The following KDM2B variants were observed in gnomAD, a reference collection of about 807,000 sequenced individuals.
KDM2B encodes the protein lysine demethylase 2B, also known as lysine-specific demethylase 2B.
Under a neutral mutation model 150.0 loss-of-function variants are expected in KDM2B, and 26 were observed. The ratio of observed to expected loss-of-function variants is 0.17; its 90% CI spans 0.13 to 0.24. The LOEUF is 0.24. Among genes scored for constraint, KDM2B ranks in the 10% least tolerant of loss-of-function variants. The pLI is 1.00. For missense variants in KDM2B, 1,265 were observed against 1,816.9 expected (o/e 0.70, Z 5.52); for synonymous variants, 734 against 729.5 (o/e 1.01, Z -0.10).
intron 12 of KDM2B, among the ~76,000 whole-genome samples, chr12:121,489,083 C>A (rs1384615683): frequency 6.6e-6 from 1 of 151,930 alleles, no homozygotes; most frequent in Non-Finnish European, 1.5e-5. Flanking sequence ...GCTGCAATTA[C>A]AGGTATGAGC....
At chr12:121,555,928 T>A (rs187981021) in intron 4 of KDM2B, among the ~76,000 whole-genome samples, 1 of 151,780 alleles carries the variant, frequency 6.6e-6, no homozygotes, top group East Asian at 1.9e-4. Context: ...GTTTTTTTTG[T>A]TTTTTGTTTT....
intron 1 of KDM2B, chr12:121,580,308 C>G (rs534966893): frequency 8.3e-7 from 1 of 1,209,688 alleles, no homozygotes; most frequent in Non-Finnish European, 1.0e-6. Context: ...TGTTGCCGAT[C>G]GCGCTCGGAG....
intron 4 of KDM2B, among the ~76,000 whole-genome samples, chr12:121,558,146 C>A (rs1429040163): frequency 2.0e-5 from 3 of 152,246 alleles, no homozygotes; most frequent in Non-Finnish European, 2.9e-5. Flanking sequence ...TTGATCGCTA[C>A]TCTAGTCCAG....
chr12:121,498,246 C>A (rs1292540637), intron 11 of KDM2B, among the ~76,000 whole-genome samples: 3 of 152,104 alleles, frequency 2.0e-5, no homozygotes, highest in Non-Finnish European at 4.4e-5. Flanking sequence ...GGGAGAAGAC[C>A]GTCACTTCCA....
rs1201631821 is a variant in KDM2B at position 121,521,796 on chromosome 12, A to G, written c.932-696T>C. 6.6e-6 allele frequency among the ~76,000 whole-genome samples: 1 copy of G among 152,116 alleles called. No homozygotes were observed. The highest frequency in any genetic ancestry group is 1.5e-5 in the Non-Finnish European group (1 of 68,028). ...CCAAACTCCTAGCCTGGAGCCAGAC[A>G]CAGTCACCATCACAAGGGAAACGGA... On this transcript the variant is annotated intron_variant, in intron 8 of 22. Coordinates refer to ENST00000377071, the MANE Select transcript of KDM2B (RefSeq NM_032590.5). The surrounding 1 kb of genome is among the most constrained non-coding windows in gnomAD (Gnocchi z 4.9).
chr12:121,567,737 G>GTC (rs1890810056), intron 4 of KDM2B, among the ~76,000 whole-genome samples: 2 of 139,270 alleles, frequency 1.4e-5, no homozygotes, highest in Non-Finnish European at 3.0e-5. Context: ...TTGAGACGGA[G>GTC]TCTCACTCTC....
chr12:121,536,970 T>G (rs1555308854), intron 6 of KDM2B, among the ~76,000 whole-genome samples: 1 of 152,172 alleles, frequency 6.6e-6, no homozygotes, highest in African/African-American at 2.4e-5. Flanking sequence ...CTGGCTGCAG[T>G]GTGCAGGGAA....
At chr12:121,532,507 C>T (rs1328038564) in intron 8 of KDM2B, among the ~76,000 whole-genome samples, 1 of 152,244 alleles carries the variant, frequency 6.6e-6, no homozygotes, top group Non-Finnish European at 1.5e-5. Flanking sequence ...GGCAAACCCA[C>T]CCCCATTACC....
At position 121,452,105 on chromosome 12, in the gene KDM2B, G is replaced by A. The variant is rs1266869488; in HGVS notation, c.1959+1015C>T. ...TCTATGAGGTCCCGAGAGGAGTCAA[G>A]CTCTTAGAAACTGAAAGTGGAATGG... On this transcript the variant is annotated intron_variant, in intron 13 of 22. Coordinates refer to ENST00000377071, the MANE Select transcript of KDM2B (RefSeq NM_032590.5). The surrounding 1 kb of genome is among the most constrained non-coding windows in gnomAD (Gnocchi z 4.4). Among the ~76,000 whole-genome samples the A allele has an allele frequency of 6.6e-6, 1 of 152,092 alleles. No homozygotes were observed. The highest frequency in any genetic ancestry group is 1.9e-4 in the East Asian group (1 of 5,200).
intron 12 of KDM2B, among the ~76,000 whole-genome samples, chr12:121,480,587 A>C (rs1555297669): frequency 7.3e-6 from 1 of 137,684 alleles, no homozygotes; most frequent in South Asian, 2.2e-4. Flanking sequence ...CGCTACCAAA[A>C]AAAAAAAAAA....
chr12:121,565,061 A>C (rs1890604459), intron 4 of KDM2B, among the ~76,000 whole-genome samples: 1 of 152,024 alleles, frequency 6.6e-6, no homozygotes, highest in South Asian at 2.1e-4. Flanking sequence ...TCAAACTCCT[A>C]GACTCAAGCG....
At chr12:121,428,951 G>A (rs1021355230), downstream of KDM2B, 1 of 151,562 alleles carries the variant, frequency 6.6e-6, no homozygotes, top group Non-Finnish European at 1.5e-5. Context: ...CCTTAAAGAA[G>A]TCTGTGTCTA....
Position 121,549,735 on chromosome 12 carries a change from T to A in KDM2B, c.398-97A>T, listed in dbSNP as rs1010594060. 2.4e-5 allele frequency: 27 copies of A among 1,108,258 alleles called. No individual in the cohort carries two copies. Among genetic ancestry groups the A allele is most frequent in the Non-Finnish European group, 2.9e-5 (23 of 780,010 alleles). The allele number at this position is 1,108,258 out of a possible 1,614,324, so 68.7% of individuals were successfully genotyped here. A position where few individuals can be genotyped will look rare whatever the true frequency, so the allele number is the denominator to read the frequency against. The stretch of plus-strand genomic sequence containing the variant: ...CTAAACAAAAGCTGCTCCTCCACGT[T>A]TCCCCACAGTCCTCACCCCTCTTCC... On this transcript the variant is annotated intron_variant, in intron 4 of 22. Transcript: ENST00000377071. This position sits in a 1 kb window ranked among gnomAD's most constrained non-coding sequence, Gnocchi z 4.4.
chr12:121,420,838 G>A, the KDM2B span: 3 of 1,310,542 alleles, frequency 2.3e-6, no homozygotes, highest in Middle Eastern at 3.9e-4. Context: ...TAAAAACTGG[G>A]TTGTTTTTGT....
intron 8 of KDM2B, 29 bp downstream of exon 8, chr12:121,532,777 G>T: frequency 6.2e-7 from 1 of 1,611,980 alleles, no homozygotes; most frequent in South Asian, 1.1e-5. Flanking sequence ...GAGACTCGAG[G>T]AGCCCAGAGA....
chr12:121,432,456 A>G (rs534555233), intron 22 of KDM2B, among the ~76,000 whole-genome samples: 12 of 152,158 alleles, frequency 7.9e-5, no homozygotes, highest in Admixed American at 6.5e-4. Context: ...GACCAGTTAG[A>G]TTTGAACTCC....
intron 12 of KDM2B, among the ~76,000 whole-genome samples, chr12:121,457,997 G>C (rs1878526751): frequency 2.6e-5 from 4 of 152,176 alleles, no homozygotes; most frequent in Non-Finnish European, 5.9e-5. Flanking sequence ...TTAAAGGAAA[G>C]ACATCCGTGT....
At chr12:121,487,355 C>T (rs1555299087) in intron 12 of KDM2B, among the ~76,000 whole-genome samples, 1 of 152,102 alleles carries the variant, frequency 6.6e-6, no homozygotes, top group Admixed American at 6.6e-5. Context: ...ACTCCAGACT[C>T]CATAAATGAC....
chr12:121,540,610 G>C (rs377129620), intron 6 of KDM2B, among the ~76,000 whole-genome samples: 1 of 151,712 alleles, frequency 6.6e-6, no homozygotes, highest in African/African-American at 2.4e-5. Context: ...AAAATTAGCC[G>C]GGTGTGGTGT....
Sources: allele counts gnomAD v4.1 joint callset (sites outside exome capture counted in the v4.1 genomes callset), GRCh38; gene constraint gnomAD v4.1.1; non-coding constraint Gnocchi (gnomAD v3.1); transcripts MANE v1.5; gene names NCBI Gene and HGNC (gene_info 2026-07-23, HGNC 2026-07-21).